Variants in PDE4D observed in about 807,000 individuals in gnomAD.
The protein encoded by PDE4D is phosphodiesterase 4D.
In PDE4D, 24 loss-of-function variants were observed where a neutral mutation model predicts 87.4. That is an observed-to-expected ratio of 0.27 (90% CI 0.20 to 0.39). The LOEUF (loss-of-function observed/expected upper bound fraction) is 0.39. PDE4D is among the 10% of genes least tolerant of loss of function. PDE4D has a pLI of 1.00. For missense variants in PDE4D, 714 were observed against 1,041.0 expected (o/e 0.69, Z 4.32); for synonymous variants, 384 against 383.2 (o/e 1.00, Z -0.02).
intron 2 of PDE4D, among the ~76,000 whole-genome samples, chr5:60,123,916 C>T (rs1307595010): frequency 1.3e-5 from 2 of 152,100 alleles, no homozygotes; most frequent in Admixed American, 1.3e-4. Context: ...CCAAATAATA[C>T]TGCATGGAAA....
At chr5:59,481,074 C>T (rs1212503602) in intron 1 of PDE4D, among the ~76,000 whole-genome samples, 4 of 152,058 alleles carry the variant, frequency 2.6e-5, no homozygotes, top group East Asian at 1.9e-4. Context: ...CAATAGATGG[C>T]AAATATTCCT....
chr5:59,714,416 C>T (rs144275176), intron 1 of PDE4D, among the ~76,000 whole-genome samples: 151 of 152,294 alleles, frequency 9.9e-4, no homozygotes, highest in Non-Finnish European at 1.5e-3. Context: ...GCTGAGGTGC[C>T]TGGCCTGGGG....
At chr5:59,005,162 T>G (rs1039165377) in intron 6 of PDE4D, among the ~76,000 whole-genome samples, 1 of 152,194 alleles carries the variant, frequency 6.6e-6, no homozygotes, top group African/African-American at 2.4e-5. Flanking sequence ...ACTCCTTGTC[T>G]TAAAACATTA....
chr5:59,015,468 T>C (rs1753775022), intron 6 of PDE4D, among the ~76,000 whole-genome samples: 1 of 152,084 alleles, frequency 6.6e-6, no homozygotes, highest in African/African-American at 2.4e-5. Context: ...GTGAAGTATA[T>C]GAACAGACAC....
intron 1 of PDE4D, among the ~76,000 whole-genome samples, chr5:59,449,469 T>C (rs1399214860): frequency 1.3e-5 from 2 of 152,222 alleles, no homozygotes; most frequent in African/African-American, 4.8e-5. Context: ...CTTGAACCCA[T>C]TGTGCAAAAG....
chr5:59,040,780 T>C (rs997261548), intron 5 of PDE4D, among the ~76,000 whole-genome samples: 1 of 152,252 alleles, frequency 6.6e-6, no homozygotes, highest in African/African-American at 2.4e-5. Flanking sequence ...TCCCTTGTCT[T>C]TGTCTTTGAA....
chr5:60,283,827 G>C (rs1161827467), intron 1 of PDE4D, among the ~76,000 whole-genome samples: 2 of 152,036 alleles, frequency 1.3e-5, no homozygotes, highest in Non-Finnish European at 2.9e-5. Flanking sequence ...TTTGAGGGAG[G>C]CTCATGAACT....
At chr5:59,274,478 C>T (rs1014158895) in intron 1 of PDE4D, among the ~76,000 whole-genome samples, 1 of 152,118 alleles carries the variant, frequency 6.6e-6, no homozygotes, top group Non-Finnish European at 1.5e-5. Context: ...TCTCAACCAC[C>T]TCACTTCAAT....
chr5:59,439,554 G>A (rs1002164836), intron 1 of PDE4D, among the ~76,000 whole-genome samples: 1 of 152,082 alleles, frequency 6.6e-6, no homozygotes, highest in Non-Finnish European at 1.5e-5. Context: ...TAGGCTCTGG[G>A]TACCCAGTAG....
intron 2 of PDE4D, among the ~76,000 whole-genome samples, chr5:60,004,966 G>A (rs1308424973): frequency 1.3e-5 from 2 of 152,094 alleles, no homozygotes; most frequent in African/African-American, 4.8e-5. Flanking sequence ...ATATCCAAAG[G>A]AAATGAAAGG....
intron 13 of PDE4D, 80 bp downstream of exon 13, chr5:58,976,270 T>C: frequency 2.1e-6 from 3 of 1,423,198 alleles, no homozygotes; most frequent in Non-Finnish European, 2.8e-6. Context: ...AAGAAATACA[T>C]CTTATCAAAG....
At chr5:59,764,135 G>A (rs149317072) in intron 1 of PDE4D, among the ~76,000 whole-genome samples, 4 of 152,122 alleles carry the variant, frequency 2.6e-5, no homozygotes, top group East Asian at 1.9e-4. Flanking sequence ...ACATACACTC[G>A]TTTCTTTCAA....
chr5:59,976,770 A>G (rs1199541535), intron 3 of PDE4D, among the ~76,000 whole-genome samples: 1 of 152,186 alleles, frequency 6.6e-6, no homozygotes, highest in Non-Finnish European at 1.5e-5. Flanking sequence ...TTCCAATAAC[A>G]TGTACTCACT....
intron 2 of PDE4D, among the ~76,000 whole-genome samples, chr5:60,123,114 G>A (rs1300158779): frequency 6.6e-6 from 1 of 152,110 alleles, no homozygotes; most frequent in African/African-American, 2.4e-5. Flanking sequence ...TTGCTAGCAG[G>A]CTTTGGGTCA....
intron 3 of PDE4D, among the ~76,000 whole-genome samples, chr5:59,931,815 C>A (rs1198293211): frequency 6.6e-6 from 1 of 151,516 alleles, no homozygotes; most frequent in Non-Finnish European, 1.5e-5. Context: ...CATTCTCCTG[C>A]CTCAGCCTCC....
intron 2 of PDE4D, among the ~76,000 whole-genome samples, chr5:60,064,036 C>T (rs1771779412): frequency 1.3e-5 from 2 of 151,978 alleles, no homozygotes; most frequent in South Asian, 4.1e-4. Flanking sequence ...ACTATGATAC[C>T]TAAATGTTCA....
intron 1 of PDE4D, among the ~76,000 whole-genome samples, chr5:59,565,542 C>CA (rs1290915679): frequency 2.0e-5 from 3 of 151,960 alleles, no homozygotes; most frequent in South Asian, 2.1e-4. Flanking sequence ...AAACAACAAC[C>CA]AAAAAAACCC....
chr5:60,413,710 CG>C (rs1163782232), intron 1 of PDE4D, among the ~76,000 whole-genome samples: 4 of 130,456 alleles, frequency 3.1e-5, no homozygotes, highest in African/African-American at 1.4e-4. Context: ...TTTCTTTTTT[CG>C]TTTATTTTTT....
intron 5 of PDE4D, among the ~76,000 whole-genome samples, chr5:59,046,391 G>T (rs1477200142): frequency 6.7e-6 from 1 of 150,260 alleles, no homozygotes; most frequent in Non-Finnish European, 1.5e-5. Flanking sequence ...TGTATGTAAG[G>T]GCATGAAAGA....
Sources: allele counts gnomAD v4.1 joint callset (sites outside exome capture counted in the v4.1 genomes callset), GRCh38; gene constraint gnomAD v4.1.1; transcripts MANE v1.5; gene names NCBI Gene and HGNC (gene_info 2026-07-23, HGNC 2026-07-21).